The following RPGRIP1 variants were observed in gnomAD, a reference collection of about 807,000 sequenced individuals.
The protein encoded by RPGRIP1 is X-linked retinitis pigmentosa GTPase regulator-interacting protein 1.
Under a neutral mutation model 157.9 loss-of-function variants are expected in RPGRIP1, and 128 were observed. That is an observed-to-expected ratio of 0.81 (90% CI 0.70 to 0.94). RPGRIP1 has a LOEUF of 0.94. RPGRIP1 is among the 40% of genes least tolerant of loss of function. RPGRIP1 has a pLI of 0.00. For synonymous variants in RPGRIP1, 554 were observed against 571.6 expected (o/e 0.97, Z 0.44); for missense variants, 1,486 against 1,545.8 (o/e 0.96, Z 0.65).
At chr14:21,339,172 G>T (rs959261736) in intron 21 of RPGRIP1, among the ~76,000 whole-genome samples, 4 of 151,934 alleles carry the variant, frequency 2.6e-5, no homozygotes, top group African/African-American at 9.7e-5. Flanking sequence ...AACTAGGCAG[G>T]TGTGGTGGCT....
intron 17 of RPGRIP1, among the ~76,000 whole-genome samples, chr14:21,326,750 A>T (rs544892409): frequency 6.6e-6 from 1 of 152,264 alleles, no homozygotes; most frequent in South Asian, 2.1e-4. Context: ...GCATGACTAC[A>T]TAGATATCTG....
At chr14:21,339,712 T>C (rs1377526079) in intron 21 of RPGRIP1, among the ~76,000 whole-genome samples, 1 of 152,206 alleles carries the variant, frequency 6.6e-6, no homozygotes, top group African/African-American at 2.4e-5. Context: ...TCATACTGTG[T>C]GCCAAGTGCT....
intron 23 of RPGRIP1, among the ~76,000 whole-genome samples, chr14:21,347,229 T>TA (rs1275237944): frequency 6.6e-6 from 1 of 152,256 alleles, no homozygotes; most frequent in African/African-American, 2.4e-5. Context: ...ACCTTGTTTT[T>TA]ATTCCAGACT....
intron 21 of RPGRIP1, among the ~76,000 whole-genome samples, chr14:21,341,983 G>A (rs1885051813): frequency 6.6e-6 from 1 of 151,670 alleles, no homozygotes; most frequent in South Asian, 2.1e-4. Flanking sequence ...CCGGGAAGAA[G>A]AGCTTGCTGT....
chr14:21,295,478 ATTTTTTTTTTTTT>A (rs11342361), intron 3 of RPGRIP1, among the ~76,000 whole-genome samples: 1 of 116,516 alleles, frequency 8.6e-6, no homozygotes, highest in East Asian at 2.8e-4. Flanking sequence ...TATTTTTGAG[ATTTTTTTTTTTTT>A]TTTTTTTTTG....
At chr14:21,327,078 G>C (rs550495830) in intron 17 of RPGRIP1, among the ~76,000 whole-genome samples, 1 of 152,132 alleles carries the variant, frequency 6.6e-6, no homozygotes, top group South Asian at 2.1e-4. Context: ...GATGCTCCAG[G>C]ACATGTATGC....
intron 2 of RPGRIP1, among the ~76,000 whole-genome samples, chr14:21,291,126 A>G (rs898819103): frequency 4.6e-5 from 7 of 152,150 alleles, no homozygotes; most frequent in African/African-American, 1.4e-4. Context: ...AGAAATGTCT[A>G]TTCAGGTCCT....
At chr14:21,340,571 C>T (rs1253659879) in intron 21 of RPGRIP1, among the ~76,000 whole-genome samples, 2 of 152,082 alleles carry the variant, frequency 1.3e-5, no homozygotes, top group Non-Finnish European at 2.9e-5. Flanking sequence ...AGGAGAATCG[C>T]TTGAACCTGG....
intron 20 of RPGRIP1, among the ~76,000 whole-genome samples, chr14:21,332,995 G>A (rs1300794204): frequency 1.3e-5 from 2 of 152,124 alleles, no homozygotes; most frequent in African/African-American, 4.8e-5. Flanking sequence ...CCCCATCTGA[G>A]AAGCTGAGGC....
chr14:21,302,935 T>G (rs2139159795), intron 5 of RPGRIP1: 1 of 189,884 alleles, frequency 5.3e-6, no homozygotes. Context: ...AGCAGCGTGA[T>G]CTTGGTTCAC....
chr14:21,295,098 C>T (rs1880711962), intron 3 of RPGRIP1, among the ~76,000 whole-genome samples: 1 of 152,064 alleles, frequency 6.6e-6, no homozygotes, highest in South Asian at 2.1e-4. Context: ...CCCACCTCGG[C>T]CTCCCAAAGT....
chr14:21,333,003 G>T (rs1883949176), intron 20 of RPGRIP1, among the ~76,000 whole-genome samples: 1 of 152,164 alleles, frequency 6.6e-6, no homozygotes, highest in African/African-American at 2.4e-5. Flanking sequence ...GAGAAGCTGA[G>T]GCAGGAGAAT....
intron 2 of RPGRIP1, among the ~76,000 whole-genome samples, chr14:21,289,985 T>C (rs944593347): frequency 5.9e-5 from 9 of 152,100 alleles, no homozygotes; most frequent in African/African-American, 2.2e-4. Context: ...GCCACCCAAG[T>C]AGCTGGGATT....
At position 21,326,025 on chromosome 14, in the gene RPGRIP1, A is replaced by G; in HGVS notation, c.2562A>G (p.Pro854=). ...ACTTTAGAGACCAGGCTCGATTCCC[A>G]GTGCTTGTGACCTCTGACCTGGACC... The part of the protein sequence containing the change: ...NPYFRDQARF[P]VLVTSDLDHY... Residue 854 remains proline (P), a synonymous_variant, in exon 17 of 25, where the codon CCA becomes CCG. Transcript: ENST00000400017. 2 of 1,613,956 alleles carry G rather than the reference A, an allele frequency of 1.2e-6. No homozygotes were observed. The highest frequency in any genetic ancestry group is 1.1e-5 in the South Asian group (1 of 91,076).
rs1181453325 is a variant in RPGRIP1 at position 21,287,987 on chromosome 14, T to TGGTGGACCCTACATCA, written c.14_29dup (p.Asp11GlyfsTer10). 4 of 1,612,028 alleles carry TGGTGGACCCTACATCA rather than the reference T, an allele frequency of 2.5e-6. No homozygotes were observed. The highest frequency in any genetic ancestry group is 3.4e-6 in the Non-Finnish European group (4 of 1,178,354). ...TTGGGAACAGAGATCATGTCACATCTGGTGGACCCTACATCAGGAGACTTG... is the reference window on the plus strand; with the variant it reads ...TTGGGAACAGAGATCATGTCACATCTGGTGGACCCTACATCAGGTGGACCCTACATCAGGAGACTTG... On this transcript the variant is annotated frameshift_variant, in exon 2 of 25. Transcript: ENST00000400017. LOFTEE classifies it high-confidence loss of function.
rs2139245376 is a variant in RPGRIP1 at position 21,327,614 on chromosome 14, G to T, written c.2711-9G>T. 6.2e-7 allele frequency: 1 copy of T among 1,613,040 alleles called. No individual in the cohort carries two copies. The highest frequency in any genetic ancestry group is 8.5e-7 in the Non-Finnish European group (1 of 1,179,070). On this transcript the variant is annotated splice_polypyrimidine_tract_variant and intron_variant, in intron 17 of 24. Coordinates refer to ENST00000400017, the MANE Select transcript of RPGRIP1 (RefSeq NM_020366.4). ...GATCAGGTCTTATTAATATCTGTTT[G>T]TTTCTCAGGTGATTTTAACCTCACT...
At chr14:21,340,930 C>CAA (rs113515799) in intron 21 of RPGRIP1, among the ~76,000 whole-genome samples, 1 of 150,474 alleles carries the variant, frequency 6.6e-6, no homozygotes, top group African/African-American at 2.4e-5. Flanking sequence ...ATCAAAGTGT[C>CAA]AAAAAAAAAC....
intron 21 of RPGRIP1, among the ~76,000 whole-genome samples, chr14:21,341,930 G>T (rs904266922): frequency 4.6e-5 from 7 of 151,890 alleles, no homozygotes; most frequent in Non-Finnish European, 1.0e-4. Context: ...GGTGCCTGTA[G>T]TCCCAGCTAC....
At chr14:21,320,273 A>C in intron 12 of RPGRIP1, 96 bp downstream of exon 12, 1 of 1,169,034 alleles carries the variant, frequency 8.6e-7, no homozygotes. Flanking sequence ...TAACTAAATA[A>C]TATTTTGTCC....
Sources: allele counts gnomAD v4.1 joint callset (sites outside exome capture counted in the v4.1 genomes callset), GRCh38; gene constraint gnomAD v4.1.1; transcripts MANE v1.5; gene names NCBI Gene and HGNC (gene_info 2026-07-23, HGNC 2026-07-21).